Variants in DCC observed in about 807,000 individuals in gnomAD.
DCC encodes DCC netrin 1 receptor.
In DCC, 58 loss-of-function variants were observed where a neutral mutation model predicts 172.5. That is an observed-to-expected ratio of 0.34 (90% confidence interval 0.27 to 0.42). The LOEUF (loss-of-function observed/expected upper bound fraction) is 0.42, where lower values mean the gene tolerates loss of function less well. DCC is among the 10% of genes least tolerant of loss of function. DCC has a pLI of 1.00. For synonymous variants in DCC, 709 were observed against 644.5 expected, an observed-to-expected ratio of 1.10 and a Z score of -1.52; for missense variants, 1,740 against 1,791.0, an observed-to-expected ratio of 0.97 and a Z score of 0.51.
intron 1 of DCC, among the ~76,000 whole-genome samples, chr18:52,502,216 GA>G (rs2031048522): frequency 6.6e-6 from 1 of 151,860 alleles, no homozygotes; most frequent in South Asian, 2.1e-4. Context: ...TGGTAAATTA[GA>G]ATTAAAGAAA....
chr18:53,386,125 C>T lies in DCC; in HGVS notation c.2442C>T (p.Thr814=), dbSNP rs3764495. The change falls in exon 16 of 29, where the codon ACC becomes ACT. Residue 814 remains threonine (T), a synonymous_variant. Coordinates refer to ENST00000442544, the MANE Select transcript of DCC (RefSeq NM_005215.4). ...TTCCTCTTTATGAAAGTGCCACCAC[C>T]AGGTCTATAACCGGTAAGTGAAATT... ...EGVPLYESAT[T]RSITDPTDPV... is the part of the protein sequence containing the mutation. 11 of 1,606,362 alleles carry T rather than the reference C, an allele frequency of 6.8e-6. No individual in the cohort carries two copies. In the East Asian group the frequency reaches 2.2e-4, roughly 33 times the overall value.
chr18:52,786,579 G>T (rs2145196816), intron 2 of DCC, among the ~76,000 whole-genome samples: 1 of 152,166 alleles, frequency 6.6e-6, no homozygotes, highest in African/African-American at 2.4e-5. Context: ...TAGCTCTTTT[G>T]GATTGGCTTA....
chr18:52,644,809 AAGGG>A (rs779171722), intron 1 of DCC, among the ~76,000 whole-genome samples: 11,722 of 103,752 alleles, frequency 0.11, 768 homozygotes, highest in African/African-American at 0.16. Context: ...GGAAGGAAGG[AAGGG>A]AGGGAGGGAG....
intron 5 of DCC, among the ~76,000 whole-genome samples, chr18:53,019,560 T>C (rs2041851676): frequency 1.3e-5 from 2 of 152,136 alleles, no homozygotes. Context: ...CCACCTCACT[T>C]ATCCTTAAGC....
chr18:53,517,986 A>G (rs150340304), intron 27 of DCC, among the ~76,000 whole-genome samples: 157 of 152,272 alleles, frequency 1.0e-3, no homozygotes, highest in African/African-American at 3.6e-3. Flanking sequence ...AGTTTCCCAT[A>G]CATATCTTTT....
chr18:52,735,051 A>AAAAT (rs1472992297), intron 1 of DCC, among the ~76,000 whole-genome samples: 5 of 152,092 alleles, frequency 3.3e-5, no homozygotes, highest in Non-Finnish European at 7.4e-5. Context: ...CCCTGAGGAG[A>AAAAT]AAATAAAGGT....
chr18:53,239,873 T>C (rs1403350111), intron 12 of DCC, among the ~76,000 whole-genome samples: 1 of 151,960 alleles, frequency 6.6e-6, no homozygotes, highest in Non-Finnish European at 1.5e-5. Context: ...TCTTAGCATG[T>C]AAAAGTGCTA....
At chr18:52,908,844 T>G (rs1206983735) in intron 3 of DCC, among the ~76,000 whole-genome samples, 1 of 152,184 alleles carries the variant, frequency 6.6e-6, no homozygotes, top group African/African-American at 2.4e-5. Context: ...TTTATCTAAA[T>G]TATATGAATT....
intron 12 of DCC, among the ~76,000 whole-genome samples, chr18:53,282,066 C>CT (rs1241270665): frequency 3.2e-5 from 2 of 62,186 alleles, no homozygotes; most frequent in African/African-American, 8.7e-5. Flanking sequence ...AAACAAATGG[C>CT]TTTTTTTCAC....
intron 15 of DCC, among the ~76,000 whole-genome samples, chr18:53,363,724 C>T (rs1278479256): frequency 2.6e-5 from 4 of 152,074 alleles, no homozygotes; most frequent in Non-Finnish European, 2.9e-5. Context: ...AGAATGTGTA[C>T]GATTTGTTTT....
chr18:52,867,008 CTG>C (rs1239015386), intron 2 of DCC, among the ~76,000 whole-genome samples: 1 of 152,168 alleles, frequency 6.6e-6, no homozygotes, highest in Admixed American at 6.5e-5. Flanking sequence ...ATGATATTGG[CTG>C]TGAGTCTGTC....
chr18:53,113,535 T>C (rs1370064240), intron 7 of DCC, among the ~76,000 whole-genome samples: 1 of 151,464 alleles, frequency 6.6e-6, no homozygotes, highest in African/African-American at 2.4e-5. Context: ...TTTGGCTTTT[T>C]TGGTAACAGC....
intron 2 of DCC, among the ~76,000 whole-genome samples, chr18:52,877,258 C>G (rs893061161): frequency 1.3e-5 from 2 of 152,182 alleles, no homozygotes; most frequent in African/African-American, 4.8e-5. Context: ...ACACCTATTA[C>G]AAGCCCGTCC....
At chr18:52,723,884 C>T (rs950060503) in intron 1 of DCC, among the ~76,000 whole-genome samples, 3 of 152,142 alleles carry the variant, frequency 2.0e-5, no homozygotes, top group Non-Finnish European at 4.4e-5. Flanking sequence ...AGTGCTTGAT[C>T]GGAGACGACA....
chr18:52,966,467 G>A (rs1231243978), intron 5 of DCC, among the ~76,000 whole-genome samples: 1 of 152,028 alleles, frequency 6.6e-6, no homozygotes. Flanking sequence ...TCTCTGCTGT[G>A]CAGTATCCCC....
chr18:53,267,264 G>A (rs1001088229), intron 12 of DCC, among the ~76,000 whole-genome samples: 5 of 151,938 alleles, frequency 3.3e-5, no homozygotes, highest in African/African-American at 4.8e-5. Context: ...TCAGCTTACC[G>A]CAACCTCTAC....
chr18:53,448,685 C>G (rs750418739), intron 22 of DCC, among the ~76,000 whole-genome samples: 1 of 152,126 alleles, frequency 6.6e-6, no homozygotes, highest in Non-Finnish European at 1.5e-5. Flanking sequence ...ATGGCAAAAC[C>G]CGTCTCTACT....
chr18:52,558,552 T>C (rs1170287168), intron 1 of DCC, among the ~76,000 whole-genome samples: 1 of 152,218 alleles, frequency 6.6e-6, no homozygotes, highest in Non-Finnish European at 1.5e-5. Context: ...TATGTTCCTC[T>C]ATTTTGCCGT....
chr18:53,008,993 G>A (rs2041687264), intron 5 of DCC, among the ~76,000 whole-genome samples: 1 of 151,880 alleles, frequency 6.6e-6, no homozygotes, highest in African/African-American at 2.4e-5. Context: ...CCTGTAAAAA[G>A]TAGACCTGAA....
Sources: gnomAD v4.1 joint callset for allele counts (sites outside exome capture counted in the v4.1 genomes callset) on GRCh38, gnomAD v4.1.1 for gene constraint, MANE v1.5 for transcripts, NCBI Gene and HGNC (gene_info 2026-07-23, HGNC 2026-07-21) for gene names.